The following CKS2 variants were observed in gnomAD, a reference collection of about 807,000 sequenced individuals.
The protein encoded by CKS2 is cyclin-dependent kinases regulatory subunit 2.
CKS2 carries 4 observed loss-of-function variants against 14.3 expected under a neutral mutation model. The ratio of observed to expected loss-of-function variants is 0.28; its 90% CI spans 0.14 to 0.64. The LOEUF is 0.64. CKS2 is among the 30% of genes least tolerant of loss of function. CKS2 has a pLI of 0.83. For synonymous variants in CKS2, 33 were observed against 28.7 expected (o/e 1.15, Z -0.48); for missense variants, 71 against 94.3 (o/e 0.75, Z 1.02).
chr9:89,311,339 A>G lies in CKS2; in HGVS notation c.47A>G (p.His16Arg). The change falls in exon 1 of 3, where the codon CAC becomes CGC. Residue 16 changes from histidine to arginine, a missense_variant. Coordinates refer to ENST00000314355, the MANE Select transcript of CKS2 (RefSeq NM_001827.3). ...TACTCGGACAAGTACTTCGACGAAC[A>G]CTACGAGTACCGGTGGGCGCCTTTC... ...IYYSDKYFDE[H>R]YEYRHVMLPR... The G allele has an allele frequency of 6.2e-7, 1 of 1,604,532 alleles. No homozygotes were observed. Among genetic ancestry groups the G allele is most frequent in the Non-Finnish European group, 8.5e-7 (1 of 1,176,574 alleles).
At chr9:89,316,326 T>C (rs1471412969) in intron 2 of CKS2, 47 bp from the exon 3 acceptor site, 1 of 1,173,600 alleles carries the variant, frequency 8.5e-7, no homozygotes, top group Middle Eastern at 1.9e-4. Flanking sequence ...TTCTGTTGAG[T>C]ATATGAAAAT....
intron 1 of CKS2, among the ~76,000 whole-genome samples, chr9:89,313,141 G>A (rs1824650258): frequency 6.6e-6 from 1 of 152,194 alleles, no homozygotes; most frequent in Non-Finnish European, 1.5e-5. Context: ...AATTTTAAAG[G>A]GGAAACTAGT....
chr9:89,312,478 C>T (rs1824637590), intron 1 of CKS2, among the ~76,000 whole-genome samples: 1 of 152,166 alleles, frequency 6.6e-6, no homozygotes, highest in Non-Finnish European at 1.5e-5. Context: ...TTTCTGTCTG[C>T]TGCCTTTGTA....
At chr9:89,315,533 TAAA>T (rs3080706) in intron 2 of CKS2, among the ~76,000 whole-genome samples, 33,620 of 132,416 alleles carry the variant, frequency 0.25, 4,396 homozygotes, top group Admixed American at 0.4. Context: ...ATGTAAGAAG[TAAA>T]AAAAAAAAAA....
chr9:89,311,219 TG>T lies in CKS2; in HGVS notation c.-71del. On this transcript the variant is annotated 5_prime_UTR_variant, in exon 1 of 3. Transcript: ENST00000314355. ...CGTTAGTCTCCGGCGAGTTGTTGCC[TG>T]GGCTGGACGTGGTTTTGTCTGCTGC... 3 of 1,275,240 alleles carry T rather than the reference TG, an allele frequency of 2.4e-6. No homozygotes were observed. The highest frequency in any genetic ancestry group is 2.5e-5 in the South Asian group (2 of 80,952). 79.0% of individuals were successfully genotyped at this position (1,275,240 alleles called of 1,614,324 possible).
rs764770923 is a variant in CKS2 at position 89,316,668 on chromosome 9, T to C, written c.*243T>C. ...GCCTGTTTGAGTTTACTGAAACAGT[T>C]TACTTTTGTTCAATAAAGTTTGTAT... On this transcript the variant is annotated 3_prime_UTR_variant, in exon 3 of 3. Coordinates refer to ENST00000314355, the MANE Select transcript of CKS2 (RefSeq NM_001827.3). 1.1e-5 allele frequency: 4 copies of C among 374,306 alleles called. No individual in the cohort carries two copies. The highest frequency in any genetic ancestry group is 1.9e-5 in the Non-Finnish European group (4 of 208,076). The allele number at this position is 374,306 out of a possible 1,614,324, so 23.2% of individuals were successfully genotyped here.
chr9:89,313,368 C>T (rs1824654048), intron 1 of CKS2, among the ~76,000 whole-genome samples: 1 of 152,196 alleles, frequency 6.6e-6, no homozygotes, highest in Non-Finnish European at 1.5e-5. Context: ...CCCCCACCCC[C>T]ACATCATGGA....
intron 1 of CKS2, 85 bp downstream of exon 1, chr9:89,311,436 G>T (rs978716456): frequency 8.4e-6 from 9 of 1,073,486 alleles, no homozygotes; most frequent in African/African-American, 1.7e-5. Flanking sequence ...AGGGTCGGGG[G>T]TGGGGGCCGG....
chr9:89,316,577 A>C lies in CKS2; in HGVS notation c.*152A>C. 2.0e-6 allele frequency: 1 copy of C among 487,884 alleles called. No individual in the cohort carries two copies. The highest frequency in any genetic ancestry group is 3.7e-6 in the Non-Finnish European group (1 of 268,358). 30.2% of individuals were successfully genotyped at this position (487,884 alleles called of 1,614,324 possible). A position where few individuals can be genotyped will look rare whatever the true frequency, so the allele number is the denominator to read the frequency against. On this transcript the variant is annotated 3_prime_UTR_variant, in exon 3 of 3. Transcript: ENST00000314355. ...ACAGCAACAGAGCTCAGTTAAATGCAACTGCAAGTAGGTTACTGTAAGATG... is the reference window on the plus strand; with the variant it reads ...ACAGCAACAGAGCTCAGTTAAATGCCACTGCAAGTAGGTTACTGTAAGATG...
chr9:89,316,363 CT>C lies in CKS2; in HGVS notation c.188-7del. 6.4e-7 allele frequency: 1 copy of C among 1,556,060 alleles called. No individual in the cohort carries two copies. Among genetic ancestry groups the C allele is most frequent in the Non-Finnish European group, 8.8e-7 (1 of 1,133,388 alleles). On this transcript the variant is annotated splice_polypyrimidine_tract_variant and intron_variant, in intron 2 of 2. Transcript: ENST00000314355. ...ATATTAAAATGATTCAAAACATTTT[CT>C]TTCCACAGAACCACATATTCTTCTC...
Position 89,315,254 on chromosome 9 carries a change from C to T in CKS2, c.144C>T (p.Val48=). ...MSEEEWRRLG[V]QQSLGWVHYM... Reference sequence around the variant, plus strand: ...AAGAGGAGTGGAGGAGACTTGGTGTCCAACAGAGTCTAGGCTGGGTTCATT... The same window carrying T: ...AAGAGGAGTGGAGGAGACTTGGTGTTCAACAGAGTCTAGGCTGGGTTCATT... Residue 48 remains valine, a synonymous_variant, in exon 2 of 3, where the codon GTC becomes GTT. Coordinates refer to ENST00000314355, the MANE Select transcript of CKS2 (RefSeq NM_001827.3). The T allele has an allele frequency of 6.2e-7, 1 of 1,611,340 alleles. No individual in the cohort carries two copies. Among genetic ancestry groups the T allele is most frequent in the Non-Finnish European group, 8.5e-7 (1 of 1,178,390 alleles).
chr9:89,315,378 T>A, intron 2 of CKS2, 81 bp downstream of exon 2: 1 of 1,225,982 alleles, frequency 8.2e-7, no homozygotes, highest in Non-Finnish European at 1.1e-6. Context: ...AAAATATCAT[T>A]GACATCAAAT....
rs558171040 is a variant in CKS2 at position 89,313,940 on chromosome 9, G to C, written c.60-1230G>C. Among the ~76,000 whole-genome samples, 31 of 152,298 alleles carry C rather than the reference G, an allele frequency of 2.0e-4. No individual in the cohort carries two copies. In the South Asian group the frequency reaches 2.5e-3, roughly 12 times the overall value. ...TAACAACACAGTAGAATTTTTCTGA[G>C]GCTCACTTTGCCCTGCAAATAAATT... is the stretch of plus-strand genomic sequence containing the variant. On this transcript the variant is annotated intron_variant, in intron 1 of 2. Transcript: ENST00000314355.
intron 1 of CKS2, among the ~76,000 whole-genome samples, chr9:89,313,881 T>C (rs971764867): frequency 2.6e-5 from 4 of 152,248 alleles, no homozygotes; most frequent in Admixed American, 2.6e-4. Context: ...CAAATTATGG[T>C]AGTAAGCTAT....
chr9:89,311,297 C>A lies in CKS2; in HGVS notation c.5C>A (p.Ala2Asp). The A allele has an allele frequency of 6.2e-7, 1 of 1,611,084 alleles. No individual in the cohort carries two copies. Residue 2 changes from alanine (A) to aspartate (D), a missense_variant, in exon 1 of 3, where the codon GCC becomes GAC. Ala to Asp is a moderately radical substitution (Grantham distance 126). Transcript: ENST00000314355. M[A>D]HKQIYYSDKY... Reference sequence around the variant, plus strand: ...TTTCTGCAGCGCGCCAGCAGGATGGCCCACAAGCAGATCTACTACTCGGAC... The same window carrying A: ...TTTCTGCAGCGCGCCAGCAGGATGGACCACAAGCAGATCTACTACTCGGAC...
rs370114711 is a variant in CKS2, at chr9:89,311,242, C to T, written c.-51C>T. On this transcript the variant is annotated 5_prime_UTR_variant, in exon 1 of 3. Transcript: ENST00000314355. ...CCTGGGCTGGACGTGGTTTTGTCTG[C>T]TGCGCCCGCTCTTCGCGCTCTCGTT... 3.7e-4 allele frequency: 572 copies of T among 1,536,046 alleles called. 1 individual carries two copies. Among genetic ancestry groups the T allele is most frequent in the Non-Finnish European group, 3.1e-4 (347 of 1,114,804 alleles).
chr9:89,311,582 G>C (rs1824610061), intron 1 of CKS2, among the ~76,000 whole-genome samples: 1 of 152,228 alleles, frequency 6.6e-6, no homozygotes, highest in Non-Finnish European at 1.5e-5. Context: ...CGGTGTGCGC[G>C]GAGGGTGAGG....
At chr9:89,314,902 A>G (rs967646924) in intron 1 of CKS2, among the ~76,000 whole-genome samples, 2 of 152,178 alleles carry the variant, frequency 1.3e-5, no homozygotes, top group African/African-American at 4.8e-5. Flanking sequence ...TGTTCAACTT[A>G]TATTTTGGGG....
chr9:89,312,922 AAAAT>A (rs2131462685), intron 1 of CKS2, among the ~76,000 whole-genome samples: 1 of 152,364 alleles, frequency 6.6e-6, no homozygotes, highest in South Asian at 2.1e-4. Flanking sequence ...TATAATATTG[AAAAT>A]AAATGAAGCT....
Sources: gnomAD v4.1 joint callset for allele counts (sites outside exome capture counted in the v4.1 genomes callset) on GRCh38, gnomAD v4.1.1 for gene constraint, MANE v1.5 for transcripts, NCBI Gene and HGNC (gene_info 2026-07-23, HGNC 2026-07-21) for gene names.